The following ESRRB variants were observed in gnomAD, a reference collection of about 807,000 sequenced individuals.
ESRRB encodes the protein estrogen related receptor beta, also known as steroid hormone receptor ERR2.
In ESRRB, 16 loss-of-function variants were observed where a neutral mutation model predicts 46.0. That is an observed-to-expected ratio of 0.35 (90% CI 0.24 to 0.53). The LOEUF is 0.53. Ranked by LOEUF, ESRRB falls within the 20% of genes least tolerant of loss-of-function variation. ESRRB has a pLI of 0.93. For missense variants in ESRRB, 488 were observed against 607.4 expected (o/e 0.80, Z 2.07); for synonymous variants, 246 against 259.6 (o/e 0.95, Z 0.50).
chr14:76,415,443 C>T (rs945609201), intron 1 of ESRRB, among the ~76,000 whole-genome samples: 6 of 152,074 alleles, frequency 3.9e-5, no homozygotes, highest in South Asian at 2.1e-4. Context: ...GGGCAGATCA[C>T]GAGGTCAGGA....
chr14:76,385,532 G>A (rs1180236028), intron 1 of ESRRB, among the ~76,000 whole-genome samples: 1 of 152,168 alleles, frequency 6.6e-6, no homozygotes, highest in East Asian at 1.9e-4. Context: ...GAGTGTTTGG[G>A]GGTGGCTTGA....
chr14:76,450,020 TG>T (rs1422177631), intron 2 of ESRRB, among the ~76,000 whole-genome samples: 1 of 152,058 alleles, frequency 6.6e-6, no homozygotes, highest in Non-Finnish European at 1.5e-5. Context: ...CCCACCCTAG[TG>T]GGCTTGCATT....
intron 1 of ESRRB, among the ~76,000 whole-genome samples, chr14:76,430,071 C>A (rs911807899): frequency 2.0e-5 from 3 of 151,710 alleles, no homozygotes; most frequent in African/African-American, 7.3e-5. Flanking sequence ...AATCCATATT[C>A]AACAGGAAAA....
In ESRRB at chr14:76,412,188, C is replaced by T. The variant is rs560014558; in HGVS notation, c.51-27153C>T. Among the ~76,000 whole-genome samples the T allele has an allele frequency of 9.2e-5, 14 of 152,262 alleles. 1 individual carries two copies. Among genetic ancestry groups the T allele is most frequent in the East Asian group, 5.8e-4 (3 of 5,188 alleles). On this transcript the variant is annotated intron_variant, in intron 1 of 6. Coordinates refer to ENST00000644823, the MANE Select transcript of ESRRB (RefSeq NM_001379180.1). ...GACCTCGGACTCCGCCCTCACAGGA[C>T]GAAAAATCAAATCAGGAAGACTGAG...
intron 1 of ESRRB, among the ~76,000 whole-genome samples, chr14:76,332,899 TTATATACTTATATATTA>T (rs1434266155): frequency 6.4e-3 from 70 of 10,968 alleles, no homozygotes; most frequent in East Asian, 0.024. Context: ...TATTTATATA[TTATATACTTATATATTA>T]TATATATTTA....
At chr14:76,332,762 TA>T (rs1884043879) in intron 1 of ESRRB, among the ~76,000 whole-genome samples, 2 of 13,086 alleles carry the variant, frequency 1.5e-4, no homozygotes, top group African/African-American at 5.5e-4. Context: ...TATATATAAA[TA>T]TATAATATAT....
intron 1 of ESRRB, among the ~76,000 whole-genome samples, chr14:76,436,222 C>T (rs1286991371): frequency 1.3e-5 from 2 of 152,182 alleles, no homozygotes; most frequent in Non-Finnish European, 2.9e-5. Flanking sequence ...AGCCATGAGA[C>T]GGGTGCAGGG....
intron 1 of ESRRB, among the ~76,000 whole-genome samples, chr14:76,396,366 G>A (rs1463796710): frequency 2.0e-5 from 3 of 151,990 alleles, no homozygotes; most frequent in Non-Finnish European, 4.4e-5. Flanking sequence ...TTGAAACTTG[G>A]GGAAAGAGAT....
At chr14:76,491,189 T>A (rs1312035748) in intron 5 of ESRRB, among the ~76,000 whole-genome samples, 1 of 152,242 alleles carries the variant, frequency 6.6e-6, no homozygotes, top group African/African-American at 2.4e-5. Flanking sequence ...ACAATCATAA[T>A]GATAACAACA....
Position 76,482,677 on chromosome 14 carries a change from G to GGA in ESRRB, c.769_770dup (p.Asp257GlufsTer6). The GGA allele has an allele frequency of 6.2e-7, 1 of 1,614,126 alleles. No homozygotes were observed. The highest frequency in any genetic ancestry group is 8.5e-7 in the Non-Finnish European group (1 of 1,180,004). On this transcript the variant is annotated frameshift_variant, in exon 5 of 7. Coordinates refer to ENST00000644823, the MANE Select transcript of ESRRB (RefSeq NM_001379180.1). LOFTEE classifies it high-confidence loss of function. This position sits in a 1 kb window ranked among gnomAD's most constrained non-coding sequence, Gnocchi z 4.3. The stretch of plus-strand genomic sequence containing the variant: ...TGCCTCCCCCTGGTATGCCTGAGGG[G>GGA]GACATCAAGGCCCTGACCACTCTCT...
At chr14:76,364,179 TAC>T (rs1437373651) in intron 1 of ESRRB, among the ~76,000 whole-genome samples, 1 of 152,204 alleles carries the variant, frequency 6.6e-6, no homozygotes, top group East Asian at 1.9e-4. Context: ...CTATGGTTTT[TAC>T]AGTGATTGCC....
At chr14:76,483,376 T>G (rs1889883938) in intron 5 of ESRRB, among the ~76,000 whole-genome samples, 1 of 152,218 alleles carries the variant, frequency 6.6e-6, no homozygotes, top group South Asian at 2.1e-4. Flanking sequence ...CTGGCATCAG[T>G]TGCATGCCCA....
At chr14:76,418,574 A>G (rs1446656252) in intron 1 of ESRRB, among the ~76,000 whole-genome samples, 1 of 152,054 alleles carries the variant, frequency 6.6e-6, no homozygotes, top group Non-Finnish European at 1.5e-5. Flanking sequence ...AGTTTCTCAG[A>G]CTTTCCATAA....
intron 1 of ESRRB, among the ~76,000 whole-genome samples, chr14:76,338,282 G>A (rs1595048942): frequency 1.3e-5 from 2 of 152,282 alleles, no homozygotes; most frequent in Middle Eastern, 3.4e-3. Context: ...GCTCCAGCCC[G>A]GGTGGGCATG....
intron 1 of ESRRB, among the ~76,000 whole-genome samples, chr14:76,431,827 AC>A (rs1374156251): frequency 1.3e-5 from 2 of 152,074 alleles, no homozygotes; most frequent in African/African-American, 2.4e-5. Context: ...CAGATGATGG[AC>A]TTGACACTCC....
intron 1 of ESRRB, among the ~76,000 whole-genome samples, chr14:76,334,544 G>A (rs10083533): frequency 0.17 from 25,500 of 152,148 alleles, 2,252 homozygotes; most frequent in Admixed American, 0.2. Context: ...CCAGGGCCTC[G>A]CCTGCGACAT....
At chr14:76,400,468 T>C (rs538506496) in intron 1 of ESRRB, among the ~76,000 whole-genome samples, 39 of 152,368 alleles carry the variant, frequency 2.6e-4, no homozygotes, top group African/African-American at 9.1e-4. Context: ...AGTCTGTCCC[T>C]GATTCTCAGG....
Position 76,457,412 on chromosome 14 carries a change from C to T in ESRRB, c.461-5133C>T, listed in dbSNP as rs151091029. 8.4e-3 allele frequency among the ~76,000 whole-genome samples: 1,280 copies of T among 151,958 alleles called. 16 individuals are homozygous for T. Among genetic ancestry groups the T allele is most frequent in the African/African-American group, 0.029 (1,221 of 41,430 alleles). ...CTGTGGCCCAGGATGGCTTTGAATGCGGCCCAACACAAATTCATAAACTTT... is the reference window on the plus strand; with the variant it reads ...CTGTGGCCCAGGATGGCTTTGAATGTGGCCCAACACAAATTCATAAACTTT... On this transcript the variant is annotated intron_variant, in intron 2 of 6. Transcript: ENST00000644823.
chr14:76,433,878 C>G (rs1887555561), intron 1 of ESRRB, among the ~76,000 whole-genome samples: 2 of 152,070 alleles, frequency 1.3e-5, no homozygotes, highest in South Asian at 4.1e-4. Flanking sequence ...ATTTCCATGA[C>G]ATGCTCTATT....
Sources: gnomAD v4.1 joint callset for allele counts (sites outside exome capture counted in the v4.1 genomes callset) on GRCh38, gnomAD v4.1.1 for gene constraint, Gnocchi (gnomAD v3.1) non-coding constraint, MANE v1.5 for transcripts, NCBI Gene and HGNC (gene_info 2026-07-23, HGNC 2026-07-21) for gene names.